ERMAP: variants seen among roughly 807,000 people sequenced by gnomAD.
ERMAP encodes the protein erythroblast membrane associated protein (Scianna blood group), also known as erythroid membrane-associated protein.
Under a neutral mutation model 49.5 loss-of-function variants are expected in ERMAP, and 34 were observed. The observed-to-expected ratio is 0.69, with a 90% CI of 0.52 to 0.91. The LOEUF (loss-of-function observed/expected upper bound fraction) is 0.91, where lower values mean the gene tolerates loss of function less well. Among genes scored for constraint, ERMAP ranks in the 40% least tolerant of loss-of-function variants. ERMAP has a pLI of 0.00. For synonymous variants in ERMAP, 214 were observed against 232.2 expected (o/e 0.92, Z 0.71); for missense variants, 541 against 582.6 (o/e 0.93, Z 0.74).
At chr1:42,841,235 G>C (rs1436656194) in intron 11 of ERMAP, among the ~76,000 whole-genome samples, 1 of 152,084 alleles carries the variant, frequency 6.6e-6, no homozygotes, top group African/African-American at 2.4e-5. Context: ...CTGGCTTATT[G>C]CCACCATCTC....
chr1:42,843,857 A>G lies in ERMAP; in HGVS notation c.*625A>G, dbSNP rs539170591. On this transcript the variant is annotated 3_prime_UTR_variant, in exon 12 of 12. Transcript: ENST00000372517. ...CAGAGCTAATGTACATGCTTTCAAA[A>G]GCTAATCTGCCTGTTGATGGTAACT... 2 of 392,796 alleles carry G rather than the reference A, an allele frequency of 5.1e-6. No individual in the cohort carries two copies. Among genetic ancestry groups the G allele is most frequent in the African/African-American group, 4.1e-5 (2 of 48,620 alleles). The allele number at this position is 392,796 out of a possible 1,614,324, so 24.3% of individuals were successfully genotyped here.
In ERMAP at chr1:42,830,836, C is replaced by G. The variant is rs1485064497; in HGVS notation, c.154C>G (p.Leu52Val). 1.9e-6 allele frequency: 3 copies of G among 1,600,560 alleles called. No homozygotes were observed. Among genetic ancestry groups the G allele is most frequent in the Middle Eastern group, 1.7e-4 (1 of 6,050 alleles). Reference sequence around the variant, plus strand: ...GGGCACAGCCGAGCTGCTCTGCCCTCTCTCCCTCTGGCCCGGGACGGTACC... The same window carrying G: ...GGGCACAGCCGAGCTGCTCTGCCCTGTCTCCCTCTGGCCCGGGACGGTACC... ...LGGTAELLCP[L>V]SLWPGTVPKE... The change falls in exon 4 of 12, where the codon CTC becomes GTC. Residue 52 changes from leucine (L) to valine (V), a missense_variant. By Grantham distance (32) the Leu-to-Val change is conservative (BLOSUM62 1). Coordinates refer to ENST00000372517, the MANE Select transcript of ERMAP (RefSeq NM_001017922.2).
chr1:42,835,127 C>T lies in ERMAP; in HGVS notation c.523C>T (p.Leu175Phe), dbSNP rs1306872912. ...ACTTCTCATCATGGTGTGCCTTTGC[C>T]TTATCTGGAAGCAAAGAAGAGCAAA... is the stretch of plus-strand genomic sequence containing the variant. ...LVLLIMVCLC[L>F]IWKQRRAKEK... Residue 175 changes from leucine to phenylalanine, a missense_variant, in exon 5 of 12, where the codon CTT (leucine) becomes TTT (phenylalanine). Physicochemically the swap from Leu to Phe is conservative, Grantham distance 22. Coordinates refer to ENST00000372517, the MANE Select transcript of ERMAP (RefSeq NM_001017922.2). The T allele has an allele frequency of 6.5e-7, 1 of 1,538,820 alleles. No individual in the cohort carries two copies. The highest frequency in any genetic ancestry group is 9.0e-7 in the Non-Finnish European group (1 of 1,111,358).
intron 1 of ERMAP, among the ~76,000 whole-genome samples, chr1:42,822,716 C>T (rs189270851): frequency 6.6e-6 from 1 of 152,260 alleles, no homozygotes; most frequent in East Asian, 1.9e-4. Flanking sequence ...AGAAGTTGTT[C>T]CTCCTACCTA....
Position 42,838,907 on chromosome 1 carries a change from T to C in ERMAP, c.623T>C (p.Leu208Pro). Residue 208 changes from leucine to proline, a missense_variant, in exon 8 of 12, where the codon CTC becomes CCC. Coordinates refer to ENST00000372517, the MANE Select transcript of ERMAP (RefSeq NM_001017922.2). ...CTCTCTTTCTGGTTTTTAGGAAAAC[T>C]CCATAAAGCTGTCAGTAAGTTTTGC... ...LSDHAKEKGK[L>P]HKAVKKLRSE... is the part of the protein sequence containing the mutation. 6.2e-7 allele frequency: 1 copy of C among 1,614,182 alleles called. No individual in the cohort carries two copies.
chr1:42,821,017 G>A (rs1187799901), intron 1 of ERMAP, among the ~76,000 whole-genome samples: 2 of 152,230 alleles, frequency 1.3e-5, no homozygotes, highest in African/African-American at 4.8e-5. Flanking sequence ...TCTTGCTGAT[G>A]TCAAGGGTTG....
At chr1:42,840,941 G>A (rs1655040820) in intron 11 of ERMAP, among the ~76,000 whole-genome samples, 1 of 152,202 alleles carries the variant, frequency 6.6e-6, no homozygotes, top group South Asian at 2.1e-4. Flanking sequence ...AGAAGGGAAT[G>A]GGTTGAGCAG....
intron 6 of ERMAP, chr1:42,836,903 T>TAA (rs35894122): frequency 0.048 from 12,562 of 264,172 alleles, no homozygotes; most frequent in East Asian, 0.13. Context: ...GTGGCAGATT[T>TAA]AAAAAAAAAA....
chr1:42,830,258 AAC>A (rs1654677402), intron 2 of ERMAP, 184 bp from the exon 3 acceptor site: 4 of 597,624 alleles, frequency 6.7e-6, no homozygotes, highest in East Asian at 5.6e-5. Context: ...AAGATGAAGA[AAC>A]ACAGTCTCAG....
Position 42,843,303 on chromosome 1 carries a change from C to T in ERMAP, c.*71C>T. ...CTGGACTTCAGTCGCCTGGCCCAAC[C>T]CCATGATTATGGAACGTCTCTTCAC... On this transcript the variant is annotated 3_prime_UTR_variant, in exon 12 of 12. Coordinates refer to ENST00000372517, the MANE Select transcript of ERMAP (RefSeq NM_001017922.2). 2 of 1,153,036 alleles carry T rather than the reference C, an allele frequency of 1.7e-6. No homozygotes were observed. The highest frequency in any genetic ancestry group is 2.4e-6 in the Non-Finnish European group (2 of 822,396). The allele number at this position is 1,153,036 out of a possible 1,614,324, so 71.4% of individuals were successfully genotyped here. A position where few individuals can be genotyped will look rare whatever the true frequency, so the allele number is the denominator to read the frequency against.
rs202208513 is a variant in ERMAP at position 42,822,188 on chromosome 1, A to ATT, written c.-121-3423_-121-3422dup. Among the ~76,000 whole-genome samples the ATT allele has an allele frequency of 3.4e-5, 5 of 147,218 alleles. No individual in the cohort carries two copies. The East Asian group carries it at 9.8e-4, about 29-fold the overall frequency. ...TATATAAATCCTTTTTAAAAAATTA[A>ATT]TTTTTTTTTTTTTAAGATGGAGTCT... is the stretch of plus-strand genomic sequence containing the variant. On this transcript the variant is annotated intron_variant, in intron 1 of 11. Transcript: ENST00000372517.
chr1:42,830,282 C>G, intron 2 of ERMAP, 162 bp from the exon 3 acceptor site: 1 of 615,912 alleles, frequency 1.6e-6, no homozygotes, highest in Admixed American at 2.9e-5. Context: ...GAAGTTCGGT[C>G]ACAGTATCAC....
intron 1 of ERMAP, among the ~76,000 whole-genome samples, chr1:42,824,973 T>C (rs557550048): frequency 6.6e-6 from 1 of 152,278 alleles, no homozygotes; most frequent in South Asian, 2.1e-4. Context: ...GGACATGGTG[T>C]GGGCCACCAC....
intron 8 of ERMAP, chr1:42,839,558 C>A (rs372311312): frequency 3.0e-4 from 52 of 173,130 alleles, no homozygotes; most frequent in African/African-American, 1.1e-3. Context: ...TGCAGTGAGC[C>A]GAGATTGCAC....
In ERMAP at chr1:42,830,755, T is replaced by A; in HGVS notation, c.86-13T>A. 2 of 1,515,682 alleles carry A rather than the reference T, an allele frequency of 1.3e-6. No homozygotes were observed. Among genetic ancestry groups the A allele is most frequent in the Non-Finnish European group, 1.8e-6 (2 of 1,131,640 alleles). 93.9% of individuals were successfully genotyped at this position (1,515,682 alleles called of 1,614,324 possible). On this transcript the variant is annotated splice_polypyrimidine_tract_variant and intron_variant, in intron 3 of 11. Transcript: ENST00000372517. ...CGTCCCTCCCAGTTGGCCTTGTCTC[T>A]TTTTTTGTCCAGGCCACGCAGGGGA...
rs1199373001 is a variant in ERMAP at position 42,843,683 on chromosome 1, C to G, written c.*451C>G. On this transcript the variant is annotated 3_prime_UTR_variant, in exon 12 of 12. Transcript: ENST00000372517. ...TCTCTCTCAGTTCTGGCCTCTGCCC[C>G]CCAAAGTCAGCTCTCTAAAAGCAAG... The G allele has an allele frequency of 2.1e-5, 4 of 188,706 alleles. No individual in the cohort carries two copies. The South Asian group carries it at 6.2e-4, about 29-fold the overall frequency. 11.7% of individuals were successfully genotyped at this position (188,706 alleles called of 1,614,324 possible).
chr1:42,825,505 G>A, intron 1 of ERMAP, 118 bp from the exon 2 acceptor site: 1 of 1,187,716 alleles, frequency 8.4e-7, no homozygotes, highest in East Asian at 5.9e-5. Context: ...GGGGCATACA[G>A]ACAGGGTGTG....
Position 42,843,184 on chromosome 1 carries a change from C to T in ERMAP, c.1380C>T (p.Pro460=). The change falls in exon 12 of 12, where the codon CCC becomes CCT. Residue 460 remains proline (P), a synonymous_variant. Transcript: ENST00000372517. ...PELKDIILSL[P]PDLGPALQEL... The stretch of plus-strand genomic sequence containing the variant: ...TGAAGGATATAATCCTGTCCTTGCC[C>T]CCTGACCTTGGCCCAGCCCTTCAGG... 1 of 1,610,378 alleles carries T rather than the reference C, an allele frequency of 6.2e-7. No individual in the cohort carries two copies. Among genetic ancestry groups the T allele is most frequent in the Non-Finnish European group, 8.5e-7 (1 of 1,178,500 alleles).
chr1:42,835,797 G>A, intron 6 of ERMAP, 33 bp downstream of exon 6: 2 of 1,591,016 alleles, frequency 1.3e-6, no homozygotes, highest in Non-Finnish European at 1.7e-6. Context: ...CAGGGGAGAT[G>A]TTTCTTTTGT....
Sources: allele counts gnomAD v4.1 joint callset (sites outside exome capture counted in the v4.1 genomes callset), GRCh38; gene constraint gnomAD v4.1.1; transcripts MANE v1.5; gene names NCBI Gene and HGNC (gene_info 2026-07-23, HGNC 2026-07-21).